The following NCKAP5 variants were observed in gnomAD, a reference collection of about 807,000 sequenced individuals.
The protein encoded by NCKAP5 is nck-associated protein 5.
A neutral mutation model predicts 167.0 loss-of-function variants in NCKAP5; 92 were observed. The ratio of observed to expected loss-of-function variants is 0.55; its 90% CI spans 0.47 to 0.66. The LOEUF (loss-of-function observed/expected upper bound fraction) is 0.66. Ranked by LOEUF, NCKAP5 falls within the 30% of genes least tolerant of loss-of-function variation. The pLI is 0.00. For missense variants in NCKAP5, 2,378 were observed against 2,315.0 expected, an observed-to-expected ratio of 1.03 and a Z score of -0.56; for synonymous variants, 891 against 877.4, an observed-to-expected ratio of 1.02 and a Z score of -0.27.
At chr2:133,470,514 C>T (rs1051840488) in intron 3 of NCKAP5, among the ~76,000 whole-genome samples, 2 of 152,212 alleles carry the variant, frequency 1.3e-5, no homozygotes, top group African/African-American at 4.8e-5. Context: ...GCAGGCAGGC[C>T]TCCTTGAGCT....
At chr2:133,193,978 G>C (rs2085334794) in intron 5 of NCKAP5, among the ~76,000 whole-genome samples, 1 of 152,066 alleles carries the variant, frequency 6.6e-6, no homozygotes, top group African/African-American at 2.4e-5. Flanking sequence ...AGGGCAAGCT[G>C]ACAGTGACTT....
chr2:133,250,305 C>A (rs967611411), intron 4 of NCKAP5, among the ~76,000 whole-genome samples: 2 of 152,104 alleles, frequency 1.3e-5, no homozygotes, highest in South Asian at 2.1e-4. Flanking sequence ...GCAGGCAGAG[C>A]GGATGATCTG....
chr2:133,556,844 C>T (rs1687775982), intron 2 of NCKAP5: 1 of 152,306 alleles, frequency 6.6e-6, no homozygotes, highest in Non-Finnish European at 1.5e-5. Flanking sequence ...TCTAAAAGAT[C>T]TGAGTAAGTA....
At chr2:132,876,119 CTT>C (rs1261848056) in intron 9 of NCKAP5, among the ~76,000 whole-genome samples, 3 of 152,164 alleles carry the variant, frequency 2.0e-5, no homozygotes, top group Non-Finnish European at 4.4e-5. Context: ...AGGTTTCACT[CTT>C]TCACCCAGGC....
chr2:133,543,225 A>ACT (rs1186629140), intron 2 of NCKAP5, among the ~76,000 whole-genome samples: 1 of 151,480 alleles, frequency 6.6e-6, no homozygotes, highest in Non-Finnish European at 1.5e-5. Flanking sequence ...TCTCTTGTTC[A>ACT]CTCTCTCGCC....
chr2:132,829,065 ATTC>A (rs1157052760), intron 11 of NCKAP5, among the ~76,000 whole-genome samples: 12 of 152,182 alleles, frequency 7.9e-5, no homozygotes, highest in Non-Finnish European at 1.5e-4. Flanking sequence ...GCTCATGAAT[ATTC>A]TTTTACAATA....
intron 5 of NCKAP5, among the ~76,000 whole-genome samples, chr2:133,180,420 G>A (rs948545863): frequency 2.0e-5 from 3 of 151,726 alleles, no homozygotes; most frequent in Admixed American, 6.6e-5. Context: ...CGGCAGCCTC[G>A]AACTCCCCAG....
Position 132,878,902 on chromosome 2 carries a change from C to T in NCKAP5, c.594G>A (p.Ala198=), listed in dbSNP as rs200896980. The part of the protein sequence containing the change: ...RLKALEAENS[A]LALENENQRE... ...TTTGATTTTCATTCTCCAAAGCCAA[C>T]GCTGAATTCTCTGCCTGCAGTAAGA... The change falls in exon 9 of 20, where the codon GCG becomes GCA. Residue 198 remains alanine, a synonymous_variant. Transcript: ENST00000409261. The T allele has an allele frequency of 1.0e-4, 161 of 1,613,238 alleles. No homozygotes were observed. In the African/African-American group the frequency reaches 1.5e-3, roughly 15 times the overall value.
intron 3 of NCKAP5, among the ~76,000 whole-genome samples, chr2:133,494,090 C>G (rs1431127882): frequency 3.9e-5 from 6 of 152,212 alleles, no homozygotes; most frequent in African/African-American, 1.2e-4. Flanking sequence ...TGTTCAGAGA[C>G]AGTGCCGTTG....
chr2:132,733,921 C>T (rs946784733), intron 16 of NCKAP5, among the ~76,000 whole-genome samples: 2 of 152,116 alleles, frequency 1.3e-5, no homozygotes, highest in Non-Finnish European at 2.9e-5. Flanking sequence ...TCAATCTTCA[C>T]AGGGATATTT....
intron 2 of NCKAP5, among the ~76,000 whole-genome samples, chr2:133,523,929 A>C (rs1443196067): frequency 2.0e-5 from 3 of 152,188 alleles, no homozygotes; most frequent in African/African-American, 7.2e-5. Flanking sequence ...GTTAAAAAAC[A>C]TATCAATGCC....
At chr2:133,058,247 T>C (rs1351047859) in intron 6 of NCKAP5, among the ~76,000 whole-genome samples, 1 of 152,234 alleles carries the variant, frequency 6.6e-6, no homozygotes, top group African/African-American at 2.4e-5. Flanking sequence ...ACAACATCCA[T>C]TCTGTAGCCC....
rs76025687 is a variant in NCKAP5, at chr2:132,892,997, G to GAA, written c.580-14083_580-14082dup. ...TTGACCTCTGATCTATAAAAAAGCT[G>GAA]AAAAAAAAAAAAAAAAAACCAGAAA... On this transcript the variant is annotated intron_variant, in intron 8 of 19. Coordinates refer to ENST00000409261, the MANE Select transcript of NCKAP5 (RefSeq NM_207363.3). Among the ~76,000 whole-genome samples, 1,081 of 107,628 alleles carry GAA rather than the reference G, an allele frequency of 0.01. 74 individuals carry two copies. In the East Asian group the frequency reaches 0.19, roughly 19 times the overall value. 70.6% of individuals were successfully genotyped at this position (107,628 alleles called of 152,430 possible).
the NCKAP5 span, among the ~76,000 whole-genome samples, chr2:133,633,453 G>C: frequency 1.2e-4 from 19 of 152,210 alleles, no homozygotes; most frequent in Non-Finnish European, 2.5e-4. Flanking sequence ...CTTGAAAAGA[G>C]AGTGTCTCGG....
chr2:132,947,849 A>C (rs971468823), intron 8 of NCKAP5, among the ~76,000 whole-genome samples: 10 of 152,216 alleles, frequency 6.6e-5, no homozygotes, highest in Non-Finnish European at 1.5e-5. Context: ...TGCCCCAGGT[A>C]ACTCATGAAG....
chr2:133,601,040 C>T, the NCKAP5 span, among the ~76,000 whole-genome samples: 10 of 152,322 alleles, frequency 6.6e-5, no homozygotes, highest in South Asian at 6.2e-4. Flanking sequence ...GTGACCTGGC[C>T]GGGCCCTCCA....
chr2:132,924,175 GAA>G (rs1459242410), intron 8 of NCKAP5, among the ~76,000 whole-genome samples: 1 of 152,140 alleles, frequency 6.6e-6, no homozygotes, highest in Non-Finnish European at 1.5e-5. Context: ...CTATGCTACA[GAA>G]GAGACATTCT....
intron 2 of NCKAP5, among the ~76,000 whole-genome samples, chr2:133,545,108 G>A (rs909187441): frequency 1.3e-5 from 2 of 152,230 alleles, no homozygotes; most frequent in African/African-American, 2.4e-5. Context: ...CACTGGGAGG[G>A]ACACTCAAAA....
intron 2 of NCKAP5, among the ~76,000 whole-genome samples, chr2:133,543,497 C>G (rs1325323120): frequency 6.6e-6 from 1 of 152,204 alleles, no homozygotes. Flanking sequence ...AAAATTGTCT[C>G]TTTTTGTAGG....
Sources: gnomAD v4.1 joint callset for allele counts (sites outside exome capture counted in the v4.1 genomes callset) on GRCh38, gnomAD v4.1.1 for gene constraint, MANE v1.5 for transcripts, NCBI Gene and HGNC (gene_info 2026-07-23, HGNC 2026-07-21) for gene names.